PCDHGB6: variants seen among roughly 807,000 people sequenced by gnomAD.
The protein encoded by PCDHGB6 is protocadherin gamma subfamily B, 6.
A neutral mutation model predicts 59.1 loss-of-function variants in PCDHGB6; 51 were observed. The observed-to-expected ratio is 0.86, with a 90% CI of 0.69 to 1.09. The LOEUF (loss-of-function observed/expected upper bound fraction) is 1.09. Ranked by LOEUF, PCDHGB6 falls within the 50% of genes least tolerant of loss-of-function variation. The pLI, the probability that PCDHGB6 is intolerant of heterozygous loss-of-function variation, is 0.00. For missense variants in PCDHGB6, 1,148 were observed against 1,205.1 expected, an observed-to-expected ratio of 0.95 and a Z score of 0.70; for synonymous variants, 466 against 495.1, an observed-to-expected ratio of 0.94 and a Z score of 0.78.
chr5:141,454,880 T>C (rs1561957456), intron 1 of PCDHGB6, among the ~76,000 whole-genome samples: 1 of 137,862 alleles, frequency 7.3e-6, no homozygotes, highest in Non-Finnish European at 1.5e-5. Flanking sequence ...CGATCTTGGC[T>C]CACTGCTAGC....
Position 141,476,024 on chromosome 5 carries a change from C to T in PCDHGB6, c.2419-18783C>T. ...ATCCAGAAAGCCATGTCGGACTCGG[C>T]GCCCAGCGCCCAAGCGCTAACCCGC... On this transcript the variant is annotated intron_variant, in intron 1 of 3. Coordinates refer to ENST00000520790, the MANE Select transcript of PCDHGB6 (RefSeq NM_018926.3). The surrounding 1 kb of genome is among the most constrained non-coding windows in gnomAD (Gnocchi z 7.6). The T allele has an allele frequency of 1.4e-6, 2 of 1,416,548 alleles. No individual in the cohort carries two copies. Among genetic ancestry groups the T allele is most frequent in the Non-Finnish European group, 9.5e-7 (1 of 1,058,066 alleles). 87.7% of individuals were successfully genotyped at this position (1,416,548 alleles called of 1,614,324 possible).
intron 1 of PCDHGB6, chr5:141,440,448 A>G (rs2098178859): frequency 6.6e-6 from 1 of 152,168 alleles, no homozygotes; most frequent in East Asian, 1.9e-4. Context: ...CGCCATCTCA[A>G]AAAAAATGAA....
At chr5:141,414,396 A>G in intron 1 of PCDHGB6, 1 of 1,613,884 alleles carries the variant, frequency 6.2e-7, no homozygotes, top group Non-Finnish European at 8.5e-7. Flanking sequence ...GTTATTACAG[A>G]TTGGTGATAC....
chr5:141,475,527 C>G (rs1462406655), intron 1 of PCDHGB6, among the ~76,000 whole-genome samples: 2 of 152,172 alleles, frequency 1.3e-5, no homozygotes, highest in African/African-American at 2.4e-5. Context: ...ATGCTAAATG[C>G]CTCCTTACAA....
rs761831761 is a variant in PCDHGB6 at position 141,485,471 on chromosome 5, G to A, written c.2419-9336G>A. The A allele has an allele frequency of 4.3e-6, 7 of 1,614,144 alleles. No homozygotes were observed. The Admixed American group carries it at 5.0e-5, about 12-fold the overall frequency. On this transcript the variant is annotated intron_variant, in intron 1 of 3. Transcript: ENST00000520790. This position sits in a 1 kb window ranked among gnomAD's most constrained non-coding sequence, Gnocchi z 5.7. ...CCGAGAGGCACTGTGTGGGCTCAGT[G>A]CCAGCTGCATCGTGCCCCTGGAGTT...
intron 1 of PCDHGB6, among the ~76,000 whole-genome samples, chr5:141,426,005 G>A (rs189148799): frequency 4.1e-4 from 63 of 152,202 alleles, no homozygotes; most frequent in Admixed American, 2.1e-3. Flanking sequence ...AAAGGCTTCC[G>A]GCTGCAGTTT....
intron 2 of PCDHGB6, among the ~76,000 whole-genome samples, chr5:141,495,685 T>TA (rs758775501): frequency 1.3e-5 from 2 of 152,210 alleles, no homozygotes; most frequent in African/African-American, 2.4e-5. Context: ...TGCCATGGCA[T>TA]AAGTGCTCAA....
At position 141,476,290 on chromosome 5, in the gene PCDHGB6, C is replaced by T. The variant is rs768208156; in HGVS notation, c.2419-18517C>T. ...TGGTCGCGAACCTTGGTTTGGATCT[C>T]GGTAGCCTCTCAGCCCGCAGGTTCC... On this transcript the variant is annotated intron_variant, in intron 1 of 3. Coordinates refer to ENST00000520790, the MANE Select transcript of PCDHGB6 (RefSeq NM_018926.3). The surrounding 1 kb of genome is among the most constrained non-coding windows in gnomAD (Gnocchi z 7.6). 1.7e-5 allele frequency: 27 copies of T among 1,613,932 alleles called. No individual in the cohort carries two copies. Among genetic ancestry groups the T allele is most frequent in the Non-Finnish European group, 2.3e-5 (27 of 1,180,018 alleles).
intron 1 of PCDHGB6, among the ~76,000 whole-genome samples, chr5:141,464,749 T>A (rs1026757405): frequency 6.6e-6 from 1 of 152,216 alleles, no homozygotes; most frequent in African/African-American, 2.4e-5. Context: ...ATCTTTTTGT[T>A]TTTTTAGAGA....
chr5:141,475,951 G>A, intron 1 of PCDHGB6: 4 of 766,902 alleles, frequency 5.2e-6, no homozygotes, highest in South Asian at 1.9e-5. Flanking sequence ...CCCTTTCTGC[G>A]CCCCGGGATG....
At chr5:141,430,946 G>A (rs2097328634) in intron 1 of PCDHGB6, 1 of 1,609,494 alleles carries the variant, frequency 6.2e-7, no homozygotes, top group Non-Finnish European at 8.5e-7. Flanking sequence ...CGCGGAGCGC[G>A]GAGTCCGCAT....
chr5:141,436,298 T>C (rs1480546595), intron 1 of PCDHGB6, among the ~76,000 whole-genome samples: 3 of 152,186 alleles, frequency 2.0e-5, no homozygotes, highest in Non-Finnish European at 4.4e-5. Flanking sequence ...CATTGAGAGT[T>C]AGAGCATGAA....
rs2099634686 is a variant in PCDHGB6 at position 141,486,772 on chromosome 5, T to G, written c.2419-8035T>G. 1 of 1,614,246 alleles carries G rather than the reference T, an allele frequency of 6.2e-7. No individual in the cohort carries two copies. The highest frequency in any genetic ancestry group is 8.5e-7 in the Non-Finnish European group (1 of 1,180,042). Reference sequence around the variant, plus strand: ...ATGAGCAAACCCAGACACTGCAGTTTGAGGTGCAGGCCCGGGATCGGGGCA... The same window carrying G: ...ATGAGCAAACCCAGACACTGCAGTTGGAGGTGCAGGCCCGGGATCGGGGCA... On this transcript the variant is annotated intron_variant, in intron 1 of 3. Coordinates refer to ENST00000520790, the MANE Select transcript of PCDHGB6 (RefSeq NM_018926.3). This position sits in a 1 kb window ranked among gnomAD's most constrained non-coding sequence, Gnocchi z 5.0.
rs951029522 is a variant in PCDHGB6, at chr5:141,487,944, G to A, written c.2419-6863G>A. 6.6e-6 allele frequency among the ~76,000 whole-genome samples: 1 copy of A among 152,164 alleles called. No homozygotes were observed. Among genetic ancestry groups the A allele is most frequent in the Admixed American group, 6.5e-5 (1 of 15,282 alleles). On this transcript the variant is annotated intron_variant, in intron 1 of 3. Transcript: ENST00000520790. The surrounding 1 kb of genome is among the most constrained non-coding windows in gnomAD (Gnocchi z 5.0). ...ACAGTGCACAGGGTACAGTGCACCA[G>A]GCAGTCACTTGGACAAAGGTGGCTG...
chr5:141,495,469 C>G (rs1398171981), intron 2 of PCDHGB6, among the ~76,000 whole-genome samples: 1 of 152,220 alleles, frequency 6.6e-6, no homozygotes, highest in Non-Finnish European at 1.5e-5. Flanking sequence ...TGTGGGGTCT[C>G]CGTGTCTCTG....
chr5:141,469,500 G>A (rs1471801110), intron 1 of PCDHGB6, among the ~76,000 whole-genome samples: 4 of 151,914 alleles, frequency 2.6e-5, no homozygotes, highest in South Asian at 2.1e-4. Flanking sequence ...GCTTGAACCC[G>A]GGAGGTGGAG....
rs543209695 is a variant in PCDHGB6 at position 141,431,563 on chromosome 5, C to T, written c.2418+20943C>T. 24 of 1,614,026 alleles carry T rather than the reference C, an allele frequency of 1.5e-5. No individual in the cohort carries two copies. Among genetic ancestry groups the T allele is most frequent in the Non-Finnish European group, 1.9e-5 (23 of 1,180,046 alleles). ...AGCTGCTTGTAGTCAACGCTACCGA[C>T]CCTGACGAAGGAGTCAATGCGGAAG... On this transcript the variant is annotated intron_variant, in intron 1 of 3. Transcript: ENST00000520790. The surrounding 1 kb of genome is among the most constrained non-coding windows in gnomAD (Gnocchi z 4.8).
intron 1 of PCDHGB6, among the ~76,000 whole-genome samples, chr5:141,475,380 T>A (rs2099362720): frequency 6.6e-6 from 1 of 152,244 alleles, no homozygotes; most frequent in South Asian, 2.1e-4. Flanking sequence ...TACTTTTAAA[T>A]TTTATAAGCC....
At chr5:141,435,516 C>T (rs2097767967) in intron 1 of PCDHGB6, among the ~76,000 whole-genome samples, 1 of 152,058 alleles carries the variant, frequency 6.6e-6, no homozygotes, top group Non-Finnish European at 1.5e-5. Context: ...CTAATGATGA[C>T]TTTGTGGAAT....
Sources: gnomAD v4.1 joint callset for allele counts (sites outside exome capture counted in the v4.1 genomes callset) on GRCh38, gnomAD v4.1.1 for gene constraint, Gnocchi (gnomAD v3.1) non-coding constraint, MANE v1.5 for transcripts, NCBI Gene and HGNC (gene_info 2026-07-23, HGNC 2026-07-21) for gene names.